The following NIBAN1 variants were observed in gnomAD, a reference collection of about 807,000 sequenced individuals.
NIBAN1 encodes niban apoptosis regulator 1.
In NIBAN1, 81 loss-of-function variants were observed where a neutral mutation model predicts 75.1. That is an observed-to-expected ratio of 1.08 (90% confidence interval 0.90 to 1.30). NIBAN1 has a LOEUF of 1.30. Ranked by LOEUF, NIBAN1 falls within the 50% of genes most tolerant of loss-of-function variation. NIBAN1 has a pLI of 0.00. For missense variants in NIBAN1, 1,133 were observed against 1,128.1 expected, an observed-to-expected ratio of 1.00 and a Z score of -0.06; for synonymous variants, 436 against 424.8, an observed-to-expected ratio of 1.03 and a Z score of -0.32.
intron 3 of NIBAN1, among the ~76,000 whole-genome samples, chr1:184,892,439 T>G (rs899530445): frequency 7.9e-5 from 12 of 152,214 alleles, no homozygotes; most frequent in African/African-American, 2.7e-4. Flanking sequence ...GAAAGGACGT[T>G]GTAATGAGTC....
At chr1:184,898,486 C>T (rs964176270) in intron 2 of NIBAN1, among the ~76,000 whole-genome samples, 1 of 151,988 alleles carries the variant, frequency 6.6e-6, no homozygotes, top group East Asian at 1.9e-4. Context: ...TGTGGTGGTG[C>T]GCACCTGTAA....
intron 2 of NIBAN1, among the ~76,000 whole-genome samples, chr1:184,894,969 G>A (rs1656762193): frequency 6.6e-6 from 1 of 152,022 alleles, no homozygotes; most frequent in Non-Finnish European, 1.5e-5. Flanking sequence ...ATACAAATGG[G>A]CCTCTTTTCT....
chr1:184,909,384 T>C (rs991218274), intron 1 of NIBAN1, among the ~76,000 whole-genome samples: 4 of 152,178 alleles, frequency 2.6e-5, no homozygotes, highest in African/African-American at 9.7e-5. Context: ...ATATTTTACA[T>C]TTTTTCTTTC....
At chr1:184,934,063 G>A (rs1287059187) in intron 1 of NIBAN1, among the ~76,000 whole-genome samples, 1 of 152,120 alleles carries the variant, frequency 6.6e-6, no homozygotes, top group Non-Finnish European at 1.5e-5. Context: ...TAAAAGAATG[G>A]AATCAACCTA....
intron 9 of NIBAN1, among the ~76,000 whole-genome samples, chr1:184,808,941 T>G (rs1654287898): frequency 6.6e-6 from 1 of 152,216 alleles, no homozygotes; most frequent in East Asian, 1.9e-4. Context: ...TGCAACAGAA[T>G]GCATTCTGTT....
chr1:184,869,565 CAG>C (rs1301502789), intron 5 of NIBAN1, among the ~76,000 whole-genome samples: 2 of 149,774 alleles, frequency 1.3e-5, no homozygotes, highest in African/African-American at 4.9e-5. Context: ...TTTTTTGAGA[CAG>C]AGTTTCACTC....
intron 5 of NIBAN1, among the ~76,000 whole-genome samples, chr1:184,833,767 C>T (rs1432335539): frequency 6.7e-6 from 1 of 149,288 alleles, no homozygotes; most frequent in East Asian, 1.9e-4. Context: ...CTGACATTTC[C>T]AATAGTAACA....
rs1329382277 is a variant in NIBAN1, at chr1:184,823,310, G to A, written c.842C>T (p.Thr281Ile). 1 of 1,614,138 alleles carries A rather than the reference G, an allele frequency of 6.2e-7. No homozygotes were observed. The highest frequency in any genetic ancestry group is 8.5e-7 in the Non-Finnish European group (1 of 1,180,018). ...TTCTGAAACTTGATGCTGAACCAGG[G>A]TGTAGGCCTCCTCGAGGAGCTGCAA... is the stretch of plus-strand genomic sequence containing the variant. ...TWLGLLEEAY[T>I]LVQHQVSEGL... The change falls in exon 8 of 14, where the codon ACC becomes ATC. Residue 281 changes from threonine (T) to isoleucine (I), a missense_variant. Transcript: ENST00000367511.
chr1:184,895,841 C>G (rs1571554795), intron 2 of NIBAN1, among the ~76,000 whole-genome samples: 1 of 152,128 alleles, frequency 6.6e-6, no homozygotes, highest in Non-Finnish European at 1.5e-5. Flanking sequence ...AGTTAGTTCA[C>G]TTAGGATAAT....
chr1:184,941,308 C>T (rs1000619669), intron 1 of NIBAN1, among the ~76,000 whole-genome samples: 3 of 152,012 alleles, frequency 2.0e-5, no homozygotes, highest in African/African-American at 7.2e-5. Flanking sequence ...AATTGAACAC[C>T]CTAAATTAGG....
chr1:184,960,970 TCC>T (rs1246319348), intron 1 of NIBAN1, among the ~76,000 whole-genome samples: 3 of 139,456 alleles, frequency 2.2e-5, no homozygotes, highest in Non-Finnish European at 4.6e-5. Context: ...CCATCAAACC[TCC>T]CTCTTGCTCA....
At chr1:184,912,417 T>C (rs1041783518) in intron 1 of NIBAN1, among the ~76,000 whole-genome samples, 11 of 152,150 alleles carry the variant, frequency 7.2e-5, no homozygotes, top group African/African-American at 1.9e-4. Context: ...GCACTTCATA[T>C]AGCCAAACTG....
chr1:184,946,204 A>C (rs1027435337), intron 1 of NIBAN1, among the ~76,000 whole-genome samples: 5 of 152,240 alleles, frequency 3.3e-5, no homozygotes, highest in Non-Finnish European at 7.3e-5. Context: ...GGAATAACAA[A>C]GTGAAAGGAG....
chr1:184,934,939 A>T lies in NIBAN1; in HGVS notation c.56-35630T>A, dbSNP rs549620053. Among the ~76,000 whole-genome samples the T allele has an allele frequency of 1.6e-4, 24 of 152,206 alleles. 1 individual carries two copies. In the South Asian group the frequency reaches 3.3e-3, roughly 21 times the overall value. ...ATAAAAATTAGCCGGGCATGGTGGC[A>T]TGCACCTGCAGTGCCAGCTACCCAG... On this transcript the variant is annotated intron_variant, in intron 1 of 13. Transcript: ENST00000367511.
intron 2 of NIBAN1, among the ~76,000 whole-genome samples, chr1:184,896,555 C>A (rs1656805991): frequency 6.6e-6 from 1 of 151,976 alleles, no homozygotes; most frequent in African/African-American, 2.4e-5. Context: ...AACTAAGTCC[C>A]ATTTCTCTAT....
At position 184,831,842 on chromosome 1, in the gene NIBAN1, A is replaced by C. The variant is rs1463775081; in HGVS notation, c.717+5T>G. On this transcript the variant is annotated splice_donor_5th_base_variant and intron_variant, in intron 6 of 13. Transcript: ENST00000367511. ...GAGAATCCAAAATTTTGAACCCCAT[A>C]TTACCTGGATTTCATCCCCAGTGAT... The C allele has an allele frequency of 1.2e-6, 2 of 1,610,898 alleles. No individual in the cohort carries two copies. Among genetic ancestry groups the C allele is most frequent in the Admixed American group, 3.3e-5 (2 of 59,972 alleles).
chr1:184,921,065 G>A (rs1159798174), intron 1 of NIBAN1, among the ~76,000 whole-genome samples: 3 of 151,376 alleles, frequency 2.0e-5, no homozygotes, highest in Middle Eastern at 3.4e-3. Context: ...GGAGGCAGAG[G>A]TTGCAGTGAG....
intron 5 of NIBAN1, among the ~76,000 whole-genome samples, chr1:184,839,600 A>AT (rs1199357275): frequency 9.1e-4 from 131 of 143,896 alleles, no homozygotes; most frequent in Middle Eastern, 3.5e-3. Context: ...GTTCCATTTA[A>AT]TTTTTTTTTT....
chr1:184,885,500 T>C (rs1279305288), intron 4 of NIBAN1, among the ~76,000 whole-genome samples: 2 of 152,084 alleles, frequency 1.3e-5, no homozygotes, highest in Non-Finnish European at 2.9e-5. Context: ...TCAACTTCCT[T>C]ATGTCTAAAG....
Sources: allele counts gnomAD v4.1 joint callset (sites outside exome capture counted in the v4.1 genomes callset), GRCh38; gene constraint gnomAD v4.1.1; transcripts MANE v1.5; gene names NCBI Gene and HGNC (gene_info 2026-07-23, HGNC 2026-07-21).